ADAR: variants seen among roughly 807,000 people sequenced by gnomAD.
The protein encoded by ADAR is adenosine deaminase RNA specific, also known as double-stranded RNA-specific adenosine deaminase.
In ADAR, 41 loss-of-function variants were observed where a neutral mutation model predicts 113.2. That is an observed-to-expected ratio of 0.36 (90% confidence interval 0.28 to 0.47). ADAR has a LOEUF of 0.47. Ranked by LOEUF, ADAR falls within the 20% of genes least tolerant of loss-of-function variation. ADAR has a pLI of 1.00. For synonymous variants in ADAR, 605 were observed against 572.6 expected (o/e 1.06, Z -0.81); for missense variants, 1,242 against 1,540.9 (o/e 0.81, Z 3.25).
At chr1:154,614,781 A>G (rs1698587160) in intron 1 of ADAR, among the ~76,000 whole-genome samples, 1 of 152,252 alleles carries the variant, frequency 6.6e-6, no homozygotes, top group Admixed American at 6.5e-5. Flanking sequence ...GCTGTAGAGC[A>G]GAAGATTGAG....
intron 1 of ADAR, among the ~76,000 whole-genome samples, chr1:154,617,127 G>A (rs998727228): frequency 4.6e-5 from 7 of 152,182 alleles, no homozygotes; most frequent in South Asian, 4.1e-4. Context: ...CCCTGCAAGC[G>A]TCCTGTCCTG....
At chr1:154,622,277 G>C (rs1429647762) in intron 1 of ADAR, among the ~76,000 whole-genome samples, 1 of 152,202 alleles carries the variant, frequency 6.6e-6, no homozygotes, top group Non-Finnish European at 1.5e-5. Context: ...AAAACCTGAG[G>C]AAAGGGCAGG....
upstream of ADAR, chr1:154,608,354 G>A: frequency 2.8e-6 from 1 of 360,486 alleles, no homozygotes. Flanking sequence ...TTGAGGCGGA[G>A]TCTCGCTCTT....
At chr1:154,590,135 A>AGGCGGGGGG in intron 7 of ADAR, 49 bp downstream of exon 7, 8 of 1,204,982 alleles carry the variant, frequency 6.6e-6, no homozygotes, top group Admixed American at 1.7e-5. Context: ...CTTAGGAGTT[A>AGGCGGGGGG]GGAGGACCCC....
At chr1:154,608,310 A>C, upstream of ADAR, 1 of 462,124 alleles carries the variant, frequency 2.2e-6, no homozygotes, top group Non-Finnish European at 3.8e-6. Context: ...CCTCCGCTGC[A>C]TGAGAACTAC....
rs368588519 is a variant in ADAR, at chr1:154,601,622, C to T, written c.1020G>A (p.Gln340=). ...INAVLIDMER[Q]GDVYRQGTTP... ...TTGTCCCTTGTCTATAGACATCCCC[C>T]TGCCTTTCCATGTCAATTAGCACAG... The change falls in exon 2 of 15, where the codon CAG becomes CAA. Residue 340 remains glutamine (Q), a synonymous_variant. Transcript: ENST00000368474. This position sits in a 1 kb window ranked among gnomAD's most constrained non-coding sequence, Gnocchi z 4.7. 2 of 1,613,434 alleles carry T rather than the reference C, an allele frequency of 1.2e-6. No individual in the cohort carries two copies. Among genetic ancestry groups the T allele is most frequent in the African/African-American group, 1.3e-5 (1 of 75,060 alleles).
chr1:154,606,747 TAAC>T (rs1366983025), intron 1 of ADAR, among the ~76,000 whole-genome samples: 1 of 152,152 alleles, frequency 6.6e-6, no homozygotes, highest in African/African-American at 2.4e-5. Flanking sequence ...GCAAATTACA[TAAC>T]AACTCATTTA....
At position 154,584,111 on chromosome 1, in the gene ADAR, T is replaced by C. The variant is rs1216378303; in HGVS notation, c.*695A>G. ...ACTTCCCAGCTGCCGGAGAAAGTGA[T>C]ACACTTCCAGGGAAGCAGCTTTCCT... is the stretch of plus-strand genomic sequence containing the variant. On this transcript the variant is annotated 3_prime_UTR_variant, in exon 15 of 15. Coordinates refer to ENST00000368474, the MANE Select transcript of ADAR (RefSeq NM_001111.5). 1 of 152,328 alleles carries C rather than the reference T, an allele frequency of 6.6e-6. No homozygotes were observed. Among genetic ancestry groups the C allele is most frequent in the Non-Finnish European group, 1.5e-5 (1 of 68,142 alleles). 9.4% of individuals were successfully genotyped at this position (152,328 alleles called of 1,614,324 possible).
intron 1 of ADAR, among the ~76,000 whole-genome samples, chr1:154,606,593 A>G (rs955495168): frequency 1.3e-5 from 2 of 152,148 alleles, no homozygotes; most frequent in Non-Finnish European, 2.9e-5. Flanking sequence ...GAGATTATTA[A>G]TCTTTCTTTT....
At position 154,626,209 on chromosome 1, in the gene ADAR, G is replaced by C. The variant is rs906904710; in HGVS notation, c.-871+1646C>G. 3.2e-4 allele frequency among the ~76,000 whole-genome samples: 43 copies of C among 134,162 alleles called. No homozygotes were observed. The Middle Eastern group carries it at 0.011, about 36-fold the overall frequency. 88.0% of individuals were successfully genotyped at this position (134,162 alleles called of 152,430 possible). Reference sequence around the variant, plus strand: ...GGCTCACTGCAACCTCCACCACCTGGGTTTGAGAGATTGTCCTGCCTCAGC... The same window carrying C: ...GGCTCACTGCAACCTCCACCACCTGCGTTTGAGAGATTGTCCTGCCTCAGC... On this transcript the variant is annotated intron_variant, in intron 1 of 14. Transcript: ENST00000368471.
chr1:154,621,120 A>G (rs1698780969), intron 1 of ADAR, among the ~76,000 whole-genome samples: 1 of 152,260 alleles, frequency 6.6e-6, no homozygotes, highest in African/African-American at 2.4e-5. Flanking sequence ...ATTATTTAAA[A>G]AGAAAAAATA....
At chr1:154,611,311 A>G (rs1346950082), upstream of ADAR, among the ~76,000 whole-genome samples, 1 of 152,158 alleles carries the variant, frequency 6.6e-6, no homozygotes, top group Non-Finnish European at 1.5e-5. Flanking sequence ...TTTCCTCAAC[A>G]GAAGGTCAGT....
intron 1 of ADAR, among the ~76,000 whole-genome samples, chr1:154,617,333 T>C (rs1352700641): frequency 6.6e-6 from 1 of 152,230 alleles, no homozygotes; most frequent in African/African-American, 2.4e-5. Context: ...AAACTTCTGC[T>C]TAGCATATCA....
intron 1 of ADAR, among the ~76,000 whole-genome samples, chr1:154,604,713 T>C (rs1057237826): frequency 2.0e-5 from 3 of 152,222 alleles, no homozygotes; most frequent in African/African-American, 7.2e-5. Flanking sequence ...TAATAGCTAC[T>C]GTATTAACGG....
upstream of ADAR, among the ~76,000 whole-genome samples, chr1:154,610,601 G>A (rs1376086324): frequency 6.6e-6 from 1 of 151,980 alleles, no homozygotes; most frequent in African/African-American, 2.4e-5. Context: ...ACGAGGTCAG[G>A]GGATCGAGAC....
intron 1 of ADAR, among the ~76,000 whole-genome samples, chr1:154,605,157 T>C (rs529992093): frequency 6.6e-6 from 1 of 152,336 alleles, no homozygotes; most frequent in African/African-American, 2.4e-5. Context: ...GTGTCTTAAA[T>C]GTGTTTTCTT....
intron 14 of ADAR, 57 bp downstream of exon 14, chr1:154,585,160 C>T: frequency 3.7e-6 from 6 of 1,613,830 alleles, no homozygotes; most frequent in Non-Finnish European, 5.1e-6. Context: ...AGGTATGATG[C>T]ACCCTTGCAA....
chr1:154,608,010 G>T lies in ADAR; in HGVS notation c.-4C>A. ...GGCTTACCTGCCGCGGATTCATTGC[G>T]CCCGCGAGGCATTGCCCGGCCCGAC... is the stretch of plus-strand genomic sequence containing the variant. On this transcript the variant is annotated 5_prime_UTR_variant, in exon 1 of 15. Coordinates refer to ENST00000368474, the MANE Select transcript of ADAR (RefSeq NM_001111.5). 4 of 1,600,122 alleles carry T rather than the reference G, an allele frequency of 2.5e-6. No individual in the cohort carries two copies. Among genetic ancestry groups the T allele is most frequent in the Non-Finnish European group, 3.4e-6 (4 of 1,173,448 alleles).
intron 1 of ADAR, among the ~76,000 whole-genome samples, chr1:154,620,683 C>G (rs1458111634): frequency 6.6e-6 from 1 of 152,200 alleles, no homozygotes; most frequent in Non-Finnish European, 1.5e-5. Context: ...CTAATCTAAT[C>G]TATAGTGATA....
Sources: allele counts gnomAD v4.1 joint callset (sites outside exome capture counted in the v4.1 genomes callset), GRCh38; gene constraint gnomAD v4.1.1; non-coding constraint Gnocchi (gnomAD v3.1); transcripts MANE v1.5; gene names NCBI Gene and HGNC (gene_info 2026-07-23, HGNC 2026-07-21).